The following DPP10 variants were observed in gnomAD, a reference collection of about 807,000 sequenced individuals.
DPP10 encodes the protein dipeptidyl peptidase like 10.
DPP10 carries 33 observed loss-of-function variants against 120.9 expected under a neutral mutation model. That is an observed-to-expected ratio of 0.27 (90% CI 0.21 to 0.37). The LOEUF is 0.37. Among genes scored for constraint, DPP10 ranks in the 10% least tolerant of loss-of-function variants. The pLI, the probability that DPP10 is intolerant of heterozygous loss-of-function variation, is 1.00. For missense variants in DPP10, 816 were observed against 942.8 expected, an observed-to-expected ratio of 0.87 and a Z score of 1.76; for synonymous variants, 337 against 326.1, an observed-to-expected ratio of 1.03 and a Z score of -0.36.
At chr2:114,991,664 T>TA (rs1553466692) in intron 1 of DPP10, among the ~76,000 whole-genome samples, 1 of 152,162 alleles carries the variant, frequency 6.6e-6, no homozygotes, top group Non-Finnish European at 1.5e-5. Context: ...TTGATAAATA[T>TA]AAACAAAGTA....
In DPP10 at chr2:115,815,658, T is replaced by C; in HGVS notation, c.1896-17T>C. ...AACTCACAAAGATATAACTATTGTTTTTCGTTTTCATTGCAGATTTTTGCT... is the reference window on the plus strand; with the variant it reads ...AACTCACAAAGATATAACTATTGTTCTTCGTTTTCATTGCAGATTTTTGCT... On this transcript the variant is annotated splice_polypyrimidine_tract_variant and intron_variant, in intron 20 of 25. Coordinates refer to ENST00000410059, the MANE Select transcript of DPP10 (RefSeq NM_020868.6). 1.3e-6 allele frequency: 2 copies of C among 1,597,768 alleles called. No homozygotes were observed. Among genetic ancestry groups the C allele is most frequent in the Non-Finnish European group, 1.7e-6 (2 of 1,171,042 alleles).
At chr2:115,737,949 C>A (rs541801635) in intron 8 of DPP10, among the ~76,000 whole-genome samples, 3 of 152,134 alleles carry the variant, frequency 2.0e-5, no homozygotes, top group African/African-American at 7.2e-5. Flanking sequence ...CCTAGGATAG[C>A]GGTTGCCTCT....
chr2:114,833,320 CTCACTTGTT>C (rs1015528834), intron 1 of DPP10: 5 of 151,042 alleles, frequency 3.3e-5, no homozygotes, highest in African/African-American at 1.2e-4. Flanking sequence ...AAAAAATGTA[CTCACTTGTT>C]TGAGAATGTC....
chr2:115,396,977 G>A (rs1414628072), intron 3 of DPP10, among the ~76,000 whole-genome samples: 1 of 152,098 alleles, frequency 6.6e-6, no homozygotes, highest in African/African-American at 2.4e-5. Context: ...CACTGTAAAT[G>A]GAAGTATTAT....
chr2:115,467,542 A>C (rs1288566435), intron 3 of DPP10, among the ~76,000 whole-genome samples: 1 of 151,766 alleles, frequency 6.6e-6, no homozygotes, highest in Non-Finnish European at 1.5e-5. Flanking sequence ...ACACCATTGC[A>C]CTCCAGCCTA....
chr2:114,661,199 T>C (rs1697376825), intron 1 of DPP10, among the ~76,000 whole-genome samples: 1 of 152,210 alleles, frequency 6.6e-6, no homozygotes, highest in Non-Finnish European at 1.5e-5. Context: ...GCTAAAATAA[T>C]ATGAATGGCT....
chr2:114,755,542 A>C (rs1444932369), intron 1 of DPP10, among the ~76,000 whole-genome samples: 1 of 152,234 alleles, frequency 6.6e-6, no homozygotes, highest in Non-Finnish European at 1.5e-5. Context: ...AAAGATGATA[A>C]TAAATGATGA....
In DPP10 at chr2:114,934,383, G is replaced by A. The variant is rs749773652; in HGVS notation, c.61-374856G>A. On this transcript the variant is annotated intron_variant, in intron 1 of 25. Coordinates refer to ENST00000410059, the MANE Select transcript of DPP10 (RefSeq NM_020868.6). ...TTACAAAAAAGTAAGCTAGAGAGAA[G>A]AGAAAAGAAAATATTACTAAGAAAA... Among the ~76,000 whole-genome samples the A allele has an allele frequency of 8.5e-5, 13 of 152,084 alleles. 1 individual carries two copies. The highest frequency in any genetic ancestry group is 1.3e-4 in the Non-Finnish European group (9 of 68,016).
intron 3 of DPP10, among the ~76,000 whole-genome samples, chr2:115,436,767 C>CT (rs1460771062): frequency 4.6e-5 from 7 of 151,718 alleles, no homozygotes; most frequent in Admixed American, 1.3e-4. Flanking sequence ...TTGAAATTTT[C>CT]TTTTTCTGGT....
rs570402976 is a variant in DPP10 at position 114,482,627 on chromosome 2, A to G, written c.60+39789A>G. On this transcript the variant is annotated intron_variant, in intron 1 of 25. Transcript: ENST00000410059. ...AGACTGAAGATAAAAGTATGTCAAG[A>G]AAAGAACACAAAACAGCCAACAGTA... Among the ~76,000 whole-genome samples the G allele has an allele frequency of 2.8e-4, 42 of 152,262 alleles. 1 individual carries two copies. The South Asian group carries it at 3.5e-3, about 13-fold the overall frequency.
At chr2:115,162,095 T>TC (rs2052424571) in intron 1 of DPP10, 2 of 1,501,248 alleles carry the variant, frequency 1.3e-6, no homozygotes, top group Non-Finnish European at 1.8e-6. Flanking sequence ...TCCGCCCGCC[T>TC]CCCGCTTCCC....
chr2:115,618,159 T>G (rs2084671127), intron 5 of DPP10, among the ~76,000 whole-genome samples: 1 of 152,298 alleles, frequency 6.6e-6, no homozygotes, highest in East Asian at 1.9e-4. Context: ...GATGGTCTCC[T>G]GATGAGTTAG....
chr2:115,382,689 C>A (rs186111873), intron 3 of DPP10, among the ~76,000 whole-genome samples: 1 of 152,308 alleles, frequency 6.6e-6, no homozygotes, highest in Non-Finnish European at 1.5e-5. Flanking sequence ...ATTTTGCTGT[C>A]AGGCAGAGCT....
At chr2:114,881,441 A>G (rs371281453) in intron 1 of DPP10, among the ~76,000 whole-genome samples, 15 of 107,226 alleles carry the variant, frequency 1.4e-4, no homozygotes, top group Non-Finnish European at 2.5e-4. Flanking sequence ...ATCTTTACCT[A>G]TCTGTCTGTC....
chr2:114,689,029 G>T (rs1361506980), intron 1 of DPP10, among the ~76,000 whole-genome samples: 1 of 151,602 alleles, frequency 6.6e-6, no homozygotes, highest in East Asian at 1.9e-4. Flanking sequence ...GCTCAGTCCA[G>T]CTTCCCCTCC....
intron 1 of DPP10, among the ~76,000 whole-genome samples, chr2:114,945,739 C>T (rs992813558): frequency 6.6e-6 from 1 of 152,068 alleles, no homozygotes; most frequent in African/African-American, 2.4e-5. Flanking sequence ...TCGCTTGAAC[C>T]CAGGAGGCAG....
At chr2:115,764,356 TA>T (rs1680471876) in intron 12 of DPP10, among the ~76,000 whole-genome samples, 1 of 152,106 alleles carries the variant, frequency 6.6e-6, no homozygotes, top group African/African-American at 2.4e-5. Context: ...ATTACGAGTA[TA>T]TGTGTCTTTG....
chr2:115,334,765 A>G (rs767299258), intron 2 of DPP10, among the ~76,000 whole-genome samples: 1 of 151,986 alleles, frequency 6.6e-6, no homozygotes, highest in Admixed American at 6.6e-5. Context: ...AGGGCCCTGT[A>G]TATTTTACAT....
At chr2:115,577,249 G>A (rs562850755) in intron 5 of DPP10, among the ~76,000 whole-genome samples, 2 of 152,152 alleles carry the variant, frequency 1.3e-5, no homozygotes, top group Non-Finnish European at 2.9e-5. Flanking sequence ...TCCTGCCTAG[G>A]GTTCCGTAGA....
Sources: allele counts gnomAD v4.1 joint callset (sites outside exome capture counted in the v4.1 genomes callset), GRCh38; gene constraint gnomAD v4.1.1; transcripts MANE v1.5; gene names NCBI Gene and HGNC (gene_info 2026-07-23, HGNC 2026-07-21).